SORCS2: variants seen among roughly 807,000 people sequenced by gnomAD.
SORCS2 encodes the protein sortilin related VPS10 domain containing receptor 2.
In SORCS2, 100 loss-of-function variants were observed where a neutral mutation model predicts 141.6. The ratio of observed to expected loss-of-function variants is 0.71; its 90% confidence interval spans 0.60 to 0.83. The LOEUF (loss-of-function observed/expected upper bound fraction) is 0.83, where lower values mean the gene tolerates loss of function less well. SORCS2 is among the 40% of genes least tolerant of loss of function. SORCS2 has a pLI of 0.00. For missense variants in SORCS2, 1,646 were observed against 1,560.2 expected (o/e 1.05, Z -0.93); for synonymous variants, 789 against 676.9 (o/e 1.17, Z -2.57).
chr4:7,622,674 G>A (rs1372998769), intron 3 of SORCS2, among the ~76,000 whole-genome samples: 1 of 152,120 alleles, frequency 6.6e-6, no homozygotes, highest in Non-Finnish European at 1.5e-5. Flanking sequence ...GCTTCATGCA[G>A]GACGGATATC....
At chr4:7,356,100 G>A (rs1577438562) in intron 1 of SORCS2, among the ~76,000 whole-genome samples, 1 of 152,178 alleles carries the variant, frequency 6.6e-6, no homozygotes, top group African/African-American at 2.4e-5. Context: ...CACATGGCTG[G>A]CTCCTCCCTG....
intron 2 of SORCS2, among the ~76,000 whole-genome samples, chr4:7,465,437 G>A (rs925673894): frequency 4.6e-5 from 7 of 152,114 alleles, no homozygotes; most frequent in African/African-American, 1.7e-4. Context: ...GGCTTTTCCC[G>A]GTGGCTGGAG....
At chr4:7,325,611 G>A (rs1389178540) in intron 1 of SORCS2, among the ~76,000 whole-genome samples, 2 of 152,210 alleles carry the variant, frequency 1.3e-5, no homozygotes, top group Admixed American at 6.5e-5. Flanking sequence ...GATCTGGACT[G>A]TACTTTGCTG....
chr4:7,680,369 G>A (rs1037464267), intron 9 of SORCS2, among the ~76,000 whole-genome samples: 5 of 152,222 alleles, frequency 3.3e-5, no homozygotes, highest in East Asian at 1.9e-4. Context: ...GGGAGAACTC[G>A]AGACCCCTGT....
At chr4:7,605,166 G>C (rs1311067147) in intron 3 of SORCS2, among the ~76,000 whole-genome samples, 1 of 152,122 alleles carries the variant, frequency 6.6e-6, no homozygotes, top group Non-Finnish European at 1.5e-5. Flanking sequence ...TTCCAACAAG[G>C]TCCAGAGTAG....
chr4:7,488,565 C>G (rs1441528721), intron 2 of SORCS2, among the ~76,000 whole-genome samples: 2 of 152,248 alleles, frequency 1.3e-5, no homozygotes, highest in Non-Finnish European at 2.9e-5. Context: ...GCATCCTCCA[C>G]AGCGACTTTC....
intron 1 of SORCS2, among the ~76,000 whole-genome samples, chr4:7,219,067 T>C (rs556136339): frequency 3.0e-4 from 46 of 152,136 alleles, no homozygotes; most frequent in Non-Finnish European, 5.9e-4. Context: ...CTCCTACTCA[T>C]TTTGGGGACC....
chr4:7,193,933 TG>T lies in SORCS2; in HGVS notation c.480+809del, dbSNP rs1727017948. ...CACCCTTCCCAAATCCTGCCTCCTC[TG>T]GCCTTTGGTGGTGCATGCAGGAGGC... On this transcript the variant is annotated intron_variant, in intron 1 of 26. Coordinates refer to ENST00000507866, the MANE Select transcript of SORCS2 (RefSeq NM_020777.3). The surrounding 1 kb of genome is among the most constrained non-coding windows in gnomAD (Gnocchi z 4.8). 6.6e-6 allele frequency among the ~76,000 whole-genome samples: 1 copy of T among 152,172 alleles called. No homozygotes were observed. Among genetic ancestry groups the T allele is most frequent in the Non-Finnish European group, 1.5e-5 (1 of 68,020 alleles).
rs375110802 is a variant in SORCS2, at chr4:7,714,361, C to T, written c.2111C>T (p.Ser704Leu). 40 of 1,554,806 alleles carry T rather than the reference C, an allele frequency of 2.6e-5. No individual in the cohort carries two copies. The highest frequency in any genetic ancestry group is 3.3e-4 in the Middle Eastern group (2 of 6,014). ...TCCCGCGTGTGCGAGTGCCGGGACT[C>T]GGACTTCCTGTGGTGAGCGACGGGC... Reference protein sequence around the residue: ...LTSRVCECRDSDFLCDYGFER... With the variant: ...LTSRVCECRDLDFLCDYGFER... Residue 704 changes from serine (S) to leucine (L), a missense_variant, in exon 16 of 27, where the codon TCG becomes TTG. By Grantham distance (145) the Ser-to-Leu change is moderately radical. Coordinates refer to ENST00000507866, the MANE Select transcript of SORCS2 (RefSeq NM_020777.3).
At chr4:7,365,216 A>C (rs1007583471) in intron 1 of SORCS2, among the ~76,000 whole-genome samples, 9 of 152,164 alleles carry the variant, frequency 5.9e-5, no homozygotes, top group Admixed American at 2.0e-4. Context: ...TATTTTGAAA[A>C]CATGGCCCTG....
rs546962690 is a variant in SORCS2 at position 7,735,035 on chromosome 4, G to A, written c.3311+661G>A. Among the ~76,000 whole-genome samples the A allele has an allele frequency of 5.3e-5, 8 of 152,358 alleles. No individual in the cohort carries two copies. The South Asian group carries it at 6.2e-4, about 12-fold the overall frequency. ...GGGTGTGATCCCCCGACGCTGGGAC[G>A]CGTCATGGCCACCCTGCAGGGGCTG... On this transcript the variant is annotated intron_variant, in intron 25 of 26. Coordinates refer to ENST00000507866, the MANE Select transcript of SORCS2 (RefSeq NM_020777.3).
At chr4:7,489,577 T>C (rs1377552777) in intron 2 of SORCS2, among the ~76,000 whole-genome samples, 1 of 152,212 alleles carries the variant, frequency 6.6e-6, no homozygotes, top group African/African-American at 2.4e-5. Context: ...GATATCTGTA[T>C]TTTAAATGGT....
intron 2 of SORCS2, among the ~76,000 whole-genome samples, chr4:7,418,712 C>CCT (rs1553859481): frequency 6.9e-6 from 1 of 145,770 alleles, no homozygotes; most frequent in African/African-American, 2.5e-5. Context: ...ACCCCCCCCC[C>CCT]CACCAGATTT....
At chr4:7,208,849 A>G (rs1727894767) in intron 1 of SORCS2, among the ~76,000 whole-genome samples, 1 of 152,224 alleles carries the variant, frequency 6.6e-6, no homozygotes, top group South Asian at 2.1e-4. Context: ...GAGAGGCTGC[A>G]TGACCTGTTT....
At position 7,740,283 on chromosome 4, in the gene SORCS2, C is replaced by CT; in HGVS notation, c.*23dup. 1 of 1,606,656 alleles carries CT rather than the reference C, an allele frequency of 6.2e-7. No homozygotes were observed. Among genetic ancestry groups the CT allele is most frequent in the Non-Finnish European group, 8.5e-7 (1 of 1,178,232 alleles). The stretch of plus-strand genomic sequence containing the variant: ...GAGCTGATGCCACCCCAGCATCTGT[C>CT]TTTTCACCCACGGAGGGCACAGAAC... On this transcript the variant is annotated 3_prime_UTR_variant, in exon 27 of 27. Coordinates refer to ENST00000507866, the MANE Select transcript of SORCS2 (RefSeq NM_020777.3).
At chr4:7,434,372 G>T (rs1378290700) in intron 2 of SORCS2, 1 of 1,607,568 alleles carries the variant, frequency 6.2e-7, no homozygotes, top group Non-Finnish European at 8.5e-7. Context: ...AAGGTAAGGG[G>T]CCCATTGGCC....
At chr4:7,627,451 G>T (rs1282227248) in intron 3 of SORCS2, among the ~76,000 whole-genome samples, 2 of 152,180 alleles carry the variant, frequency 1.3e-5, no homozygotes, top group South Asian at 2.1e-4. Flanking sequence ...TCAGAATTGT[G>T]CATGAACTCC....
intron 1 of SORCS2, among the ~76,000 whole-genome samples, chr4:7,338,004 T>A (rs963304590): frequency 3.3e-5 from 5 of 152,174 alleles, no homozygotes; most frequent in African/African-American, 1.2e-4. Flanking sequence ...TGCATCCCCA[T>A]CACCTGGGCA....
At position 7,433,635 on chromosome 4, in the gene SORCS2, G is replaced by A. The variant is rs201852983; in HGVS notation, c.548+37280G>A. 1.9e-6 allele frequency: 3 copies of A among 1,610,588 alleles called. No individual in the cohort carries two copies. The Admixed American group carries it at 5.0e-5, about 27-fold the overall frequency. ...TGAAGGCCACCAGGATGTCTCGCTT[G>A]GTGCTCTTGCTCTCCAAGTTGTGGG... On this transcript the variant is annotated intron_variant, in intron 2 of 26. Coordinates refer to ENST00000507866, the MANE Select transcript of SORCS2 (RefSeq NM_020777.3).
Sources: allele counts gnomAD v4.1 joint callset (sites outside exome capture counted in the v4.1 genomes callset), GRCh38; gene constraint gnomAD v4.1.1; non-coding constraint Gnocchi (gnomAD v3.1); transcripts MANE v1.5; gene names NCBI Gene and HGNC (gene_info 2026-07-23, HGNC 2026-07-21).